Variants in KATNIP observed in about 807,000 individuals in gnomAD.
KATNIP encodes katanin-interacting protein.
A neutral mutation model predicts 174.0 loss-of-function variants in KATNIP; 126 were observed. The observed-to-expected ratio is 0.72, with a 90% confidence interval of 0.63 to 0.84. The LOEUF (loss-of-function observed/expected upper bound fraction) is 0.84, where lower values mean the gene tolerates loss of function less well. KATNIP is among the 40% of genes least tolerant of loss of function. The probability of loss-of-function intolerance (pLI) is 0.00; values close to 1 mark genes in which losing one functional copy is unlikely to be tolerated. For missense variants in KATNIP, 1,958 were observed against 2,109.7 expected, an observed-to-expected ratio of 0.93 and a Z score of 1.41; for synonymous variants, 810 against 835.7, an observed-to-expected ratio of 0.97 and a Z score of 0.53.
chr16:27,575,160 A>G (rs999257895), intron 2 of KATNIP, among the ~76,000 whole-genome samples: 2 of 152,230 alleles, frequency 1.3e-5, no homozygotes, highest in Non-Finnish European at 2.9e-5. Context: ...TGAGATTTTA[A>G]TACAGAAACC....
intron 15 of KATNIP, among the ~76,000 whole-genome samples, chr16:27,746,616 G>A (rs901532164): frequency 1.1e-4 from 17 of 152,222 alleles, no homozygotes; most frequent in Non-Finnish European, 2.1e-4. Context: ...CTCCAGGAGC[G>A]AGGATAAAGT....
Position 27,761,537 on chromosome 16 carries a change from C to G in KATNIP, c.3756C>G (p.Pro1252=). Residue 1252 remains proline, a synonymous_variant, in exon 19 of 28, where the codon CCC becomes CCG. Coordinates refer to ENST00000261588, the MANE Select transcript of KATNIP (RefSeq NM_015202.5). ...ACCTGCACCAGATCTCTGCTTCCCC[C>G]AGAGACTTAAATGAGCTCCCCGAGT... The part of the protein sequence containing the change: ...PIHLHQISAS[P]RDLNELPEYS... The G allele has an allele frequency of 6.2e-7, 1 of 1,614,166 alleles. No individual in the cohort carries two copies. The highest frequency in any genetic ancestry group is 8.5e-7 in the Non-Finnish European group (1 of 1,180,026).
At chr16:27,766,919 T>G (rs908081639) in intron 20 of KATNIP, among the ~76,000 whole-genome samples, 3 of 152,124 alleles carry the variant, frequency 2.0e-5, no homozygotes, top group African/African-American at 4.8e-5. Flanking sequence ...CACTTGCCCA[T>G]CCAAGGCCAC....
chr16:27,557,897 C>T (rs894573288), intron 1 of KATNIP, among the ~76,000 whole-genome samples: 2 of 152,120 alleles, frequency 1.3e-5, no homozygotes, highest in Admixed American at 1.3e-4. Flanking sequence ...TTGAAAATAT[C>T]AATAAAGTCT....
chr16:27,726,045 G>A (rs1486975687), intron 14 of KATNIP, among the ~76,000 whole-genome samples: 1 of 152,196 alleles, frequency 6.6e-6, no homozygotes, highest in Non-Finnish European at 1.5e-5. Context: ...AGACTGCACA[G>A]TAGGAGGTGA....
chr16:27,567,410 C>G (rs770218651), intron 1 of KATNIP, among the ~76,000 whole-genome samples: 1 of 152,218 alleles, frequency 6.6e-6, no homozygotes, highest in African/African-American at 2.4e-5. Context: ...AAGAGGATTG[C>G]TTGAGCCCAC....
At chr16:27,580,683 C>T (rs116664791) in intron 2 of KATNIP, among the ~76,000 whole-genome samples, 2 of 148,296 alleles carry the variant, frequency 1.3e-5, no homozygotes, top group Non-Finnish European at 3.0e-5. Context: ...ATGCAATACA[C>T]ATTGTTTTCT....
chr16:27,662,023 CAT>C (rs71675526), intron 6 of KATNIP, among the ~76,000 whole-genome samples: 1,175 of 8,842 alleles, frequency 0.13, 409 homozygotes, highest in Middle Eastern at 0.25. Flanking sequence ...TATACACATA[CAT>C]ATATATATAT....
At chr16:27,558,236 C>G (rs2089711171) in intron 1 of KATNIP, among the ~76,000 whole-genome samples, 1 of 152,118 alleles carries the variant, frequency 6.6e-6, no homozygotes, top group Non-Finnish European at 1.5e-5. Context: ...GCCTCTGCCT[C>G]CTGGGTTCCA....
chr16:27,721,572 C>T lies in KATNIP; in HGVS notation c.1620C>T (p.Ser540=). 2 of 1,614,160 alleles carry T rather than the reference C, an allele frequency of 1.2e-6. No individual in the cohort carries two copies. The highest frequency in any genetic ancestry group is 1.7e-6 in the Non-Finnish European group (2 of 1,180,022). The change falls in exon 14 of 28, where the codon TCC becomes TCT. Residue 540 remains serine (S), a synonymous_variant. Coordinates refer to ENST00000261588, the MANE Select transcript of KATNIP (RefSeq NM_015202.5). Reference sequence around the variant, plus strand: ...TGGCCTTCTAGGGCAAGAAAGACTCCTCCCCGTGGACCTGCCCCTTCCACC... The same window carrying T: ...TGGCCTTCTAGGGCAAGAAAGACTCTTCCCCGTGGACCTGCCCCTTCCACC... ...VNRNLAGKKD[S]SPWTCPFHPP...
chr16:27,709,054 C>T, intron 13 of KATNIP, 134 bp downstream of exon 13: 2 of 668,428 alleles, frequency 3.0e-6, no homozygotes, highest in Non-Finnish European at 5.0e-6. Context: ...TACAGAGGCT[C>T]ACACCTGTAA....
intron 2 of KATNIP, among the ~76,000 whole-genome samples, chr16:27,588,804 C>T (rs1042139065): frequency 1.3e-5 from 2 of 152,086 alleles, no homozygotes; most frequent in Non-Finnish European, 2.9e-5. Flanking sequence ...TCTCATTCCC[C>T]TTCCCAGAAA....
rs2082306855 is a variant in KATNIP at position 27,771,649 on chromosome 16, G to A, written c.4195G>A (p.Gly1399Ser). The change falls in exon 22 of 28, where the codon GGC (glycine) becomes AGC (serine). Residue 1399 changes from glycine (G) to serine (S), a missense_variant. Transcript: ENST00000261588. Reference sequence around the variant, plus strand: ...CTACGAGGCACCGCTGATGCCCTGTGGCTGTATCCTTCTCCTCCCGCCCCA... The same window carrying A: ...CTACGAGGCACCGCTGATGCCCTGTAGCTGTATCCTTCTCCTCCCGCCCCA... ...MDYEAPLMPC[G>S]FIFQFQLLTS... 6.2e-7 allele frequency: 1 copy of A among 1,613,262 alleles called. No homozygotes were observed. The highest frequency in any genetic ancestry group is 1.7e-5 in the Admixed American group (1 of 59,940).
At chr16:27,565,465 C>CAAA (rs1382590988) in intron 1 of KATNIP, among the ~76,000 whole-genome samples, 3 of 72,238 alleles carry the variant, frequency 4.2e-5, no homozygotes, top group Non-Finnish European at 5.8e-5. Context: ...GACTCTGTCT[C>CAAA]AAAAAAAAAA....
intron 1 of KATNIP, among the ~76,000 whole-genome samples, chr16:27,554,041 G>A (rs760953385): frequency 6.6e-6 from 1 of 151,014 alleles, no homozygotes; most frequent in Non-Finnish European, 1.5e-5. Context: ...AAAGGAAGGA[G>A]GAAAGAAGGG....
intron 2 of KATNIP, among the ~76,000 whole-genome samples, chr16:27,612,423 C>A (rs2075916585): frequency 6.6e-6 from 1 of 152,086 alleles, no homozygotes; most frequent in South Asian, 2.1e-4. Flanking sequence ...CCTTGCTACC[C>A]AAAGTGTGGG....
intron 5 of KATNIP, among the ~76,000 whole-genome samples, chr16:27,645,772 G>A (rs1193694725): frequency 6.6e-6 from 1 of 152,242 alleles, no homozygotes; most frequent in African/African-American, 2.4e-5. Flanking sequence ...GTAAAGGGCA[G>A]AAGTCCTGTC....
chr16:27,618,996 G>A (rs535310238), intron 3 of KATNIP, among the ~76,000 whole-genome samples: 103 of 152,360 alleles, frequency 6.8e-4, no homozygotes, highest in African/African-American at 2.1e-3. Context: ...AAAGCTTGCA[G>A]TAGGTCCAGT....
In KATNIP at chr16:27,593,295, A is replaced by G. The variant is rs377637690; in HGVS notation, c.63+19339A>G. Among the ~76,000 whole-genome samples, 47 of 137,176 alleles carry G rather than the reference A, an allele frequency of 3.4e-4. 1 individual carries two copies. Among genetic ancestry groups the G allele is most frequent in the African/African-American group, 9.7e-4 (35 of 35,980 alleles). 90.0% of individuals were successfully genotyped at this position (137,176 alleles called of 152,430 possible). On this transcript the variant is annotated intron_variant, in intron 2 of 27. Transcript: ENST00000261588. Reference sequence around the variant, plus strand: ...TTGTTGTTGCCCAGGCTGGAGCGCAATGGCGCAATCTCAGCTCACTGCAAC... The same window carrying G: ...TTGTTGTTGCCCAGGCTGGAGCGCAGTGGCGCAATCTCAGCTCACTGCAAC...
Sources: allele counts gnomAD v4.1 joint callset (sites outside exome capture counted in the v4.1 genomes callset), GRCh38; gene constraint gnomAD v4.1.1; transcripts MANE v1.5; gene names NCBI Gene and HGNC (gene_info 2026-07-23, HGNC 2026-07-21).